ECRG4: variants seen among roughly 807,000 people sequenced by gnomAD.
The protein encoded by ECRG4 is augurin.
ECRG4 carries 18 observed loss-of-function variants against 15.8 expected under a neutral mutation model. The ratio of observed to expected loss-of-function variants is 1.14; its 90% confidence interval spans 0.79 to 1.69. The LOEUF (loss-of-function observed/expected upper bound fraction) is 1.69. Among genes scored for constraint, ECRG4 ranks in the 40% most tolerant of loss-of-function variants. The pLI is 0.00. For synonymous variants in ECRG4, 82 were observed against 73.9 expected, an observed-to-expected ratio of 1.11 and a Z score of -0.56; for missense variants, 200 against 190.9, an observed-to-expected ratio of 1.05 and a Z score of -0.28.
intron 2 of ECRG4, among the ~76,000 whole-genome samples, chr2:106,072,553 G>A (rs1676393684): frequency 6.6e-6 from 1 of 152,186 alleles, no homozygotes; most frequent in African/African-American, 2.4e-5. Context: ...CTTCTGATGT[G>A]ACCATTTAGT....
At chr2:106,063,765 A>G (rs570160433), upstream of ECRG4, among the ~76,000 whole-genome samples, 2 of 152,250 alleles carry the variant, frequency 1.3e-5, no homozygotes, top group Admixed American at 1.3e-4. Context: ...GCATTTTTGT[A>G]GAGAGGGAGT....
intron 3 of ECRG4, among the ~76,000 whole-genome samples, chr2:106,075,042 A>C (rs1676456081): frequency 6.6e-6 from 1 of 152,032 alleles, no homozygotes; most frequent in African/African-American, 2.4e-5. Context: ...CTGTGCAAAT[A>C]GGTAAACATG....
chr2:106,074,108 C>T (rs1215759035), intron 3 of ECRG4, 65 bp downstream of exon 3: 59 of 1,578,614 alleles, frequency 3.7e-5, no homozygotes, highest in Middle Eastern at 2.3e-4. Flanking sequence ...GGAGGCCTGG[C>T]TCGGGGAAAT....
Position 106,077,979 on chromosome 2 carries a change from T to G in ECRG4, c.*53T>G, listed in dbSNP as rs767784392. ...AGCAAATAGCGATTCTCTTCATGTATCTCCTAATGCCTTACACTACTTGGT... is the reference window on the plus strand; with the variant it reads ...AGCAAATAGCGATTCTCTTCATGTAGCTCCTAATGCCTTACACTACTTGGT... On this transcript the variant is annotated 3_prime_UTR_variant, in exon 4 of 4. Transcript: ENST00000238044. 191 of 1,554,050 alleles carry G rather than the reference T, an allele frequency of 1.2e-4. 3 individuals carry two copies. The highest frequency in any genetic ancestry group is 5.5e-4 in the South Asian group (47 of 85,516).
Position 106,077,984 on chromosome 2 carries a change from T to C in ECRG4, c.*58T>C. ...ATAGCGATTCTCTTCATGTATCTCCTAATGCCTTACACTACTTGGTTTCTG... is the reference window on the plus strand; with the variant it reads ...ATAGCGATTCTCTTCATGTATCTCCCAATGCCTTACACTACTTGGTTTCTG... On this transcript the variant is annotated 3_prime_UTR_variant, in exon 4 of 4. Coordinates refer to ENST00000238044, the MANE Select transcript of ECRG4 (RefSeq NM_032411.3). 1 of 1,526,904 alleles carries C rather than the reference T, an allele frequency of 6.5e-7. No individual in the cohort carries two copies. The highest frequency in any genetic ancestry group is 8.9e-7 in the Non-Finnish European group (1 of 1,121,112). 94.6% of individuals were successfully genotyped at this position (1,526,904 alleles called of 1,614,324 possible).
chr2:106,071,464 G>C (rs1415317669), intron 1 of ECRG4, among the ~76,000 whole-genome samples: 3 of 152,036 alleles, frequency 2.0e-5, no homozygotes, highest in Admixed American at 6.5e-5. Flanking sequence ...GGGGTTTCTG[G>C]TGGATAGGGG....
At chr2:106,063,978 C>T (rs929749785), upstream of ECRG4, among the ~76,000 whole-genome samples, 6 of 152,196 alleles carry the variant, frequency 3.9e-5, no homozygotes, top group South Asian at 8.3e-4. Context: ...AGATTACAGC[C>T]ATTATGTTTA....
chr2:106,067,472 AT>A (rs70953554), intron 1 of ECRG4, among the ~76,000 whole-genome samples: 30,815 of 145,404 alleles, frequency 0.21, 3,408 homozygotes, highest in Non-Finnish European at 0.23. Flanking sequence ...CAGTGAAAAT[AT>A]TTTTTTTTTT....
At chr2:106,069,139 C>CT in intron 1 of ECRG4, among the ~76,000 whole-genome samples, 1 of 133,570 alleles carries the variant, frequency 7.5e-6, no homozygotes, top group African/African-American at 2.8e-5. Flanking sequence ...CTCTTTCTTT[C>CT]TTTCTTTCTT....
Position 106,073,996 on chromosome 2 carries a change from G to T in ECRG4, c.238G>T (p.Val80Leu). The T allele has an allele frequency of 6.2e-7, 1 of 1,613,928 alleles. No homozygotes were observed. Among genetic ancestry groups the T allele is most frequent in the African/African-American group, 1.3e-5 (1 of 75,050 alleles). ...RQLWDRTRPE[V>L]QQWYQQFLYM... ...GCTGTGGGACCGGACTCGGCCCGAG[G>T]TGCAGCAGTGGTACCAGCAGTTTCT... The change falls in exon 3 of 4, where the codon GTG (valine) becomes TTG (leucine). Residue 80 changes from valine to leucine, a missense_variant. Transcript: ENST00000238044.
Position 106,065,814 on chromosome 2 carries a change from C to T in ECRG4, c.50C>T (p.Ala17Val), listed in dbSNP as rs764729115. The T allele has an allele frequency of 3.6e-5, 53 of 1,485,300 alleles. No homozygotes were observed. The Middle Eastern group carries it at 5.3e-4, about 15-fold the overall frequency. The allele number at this position is 1,485,300 out of a possible 1,614,324, so 92.0% of individuals were successfully genotyped here. ...RPAVLALTGL[A>V]LLLLLCWGPG... ...GCTGTCCTGGCCCTGACCGGGCTGGCGCTGCTCCTGCTCCTGTGCTGGGGC... is the reference window on the plus strand; with the variant it reads ...GCTGTCCTGGCCCTGACCGGGCTGGTGCTGCTCCTGCTCCTGTGCTGGGGC... Residue 17 changes from alanine (A) to valine (V), a missense_variant, in exon 1 of 4, where the codon GCG becomes GTG. Ala to Val is a moderately conservative substitution (Grantham distance 64). Transcript: ENST00000238044.
At chr2:106,065,547 C>G (rs975657037), upstream of ECRG4, 7 of 382,322 alleles carry the variant, frequency 1.8e-5, no homozygotes, top group East Asian at 2.9e-4. Flanking sequence ...GGGGCCGGGG[C>G]GGGAGAGAGG....
chr2:106,065,375 C>A (rs1156923551), upstream of ECRG4, among the ~76,000 whole-genome samples: 1 of 152,124 alleles, frequency 6.6e-6, no homozygotes, highest in Non-Finnish European at 1.5e-5. Context: ...CAGGGGGCCT[C>A]GTCCCTTCTC....
At chr2:106,074,078 A>C in intron 3 of ECRG4, 35 bp downstream of exon 3, 1 of 1,606,334 alleles carries the variant, frequency 6.2e-7, no homozygotes, top group East Asian at 2.2e-5. Flanking sequence ...CCTGGCTTCC[A>C]CAGGGAAGGG....
chr2:106,066,795 CTG>C (rs1558654817), intron 1 of ECRG4, among the ~76,000 whole-genome samples: 1 of 152,134 alleles, frequency 6.6e-6, no homozygotes, highest in Non-Finnish European at 1.5e-5. Flanking sequence ...GGTATGGAAA[CTG>C]AACTCGAGGT....
upstream of ECRG4, among the ~76,000 whole-genome samples, chr2:106,063,638 A>T (rs750187272): frequency 1.3e-5 from 2 of 152,300 alleles, no homozygotes; most frequent in Middle Eastern, 6.8e-3. Flanking sequence ...GCTGGAGTGC[A>T]GTGGCGCAAT....
chr2:106,065,751 C>A lies in ECRG4; in HGVS notation c.-14C>A. ...GAAGTGCGCCCCTCGCCCTCCTGCT[C>A]GCGCCCCGCCGCCATGGCTGCCTCC... On this transcript the variant is annotated 5_prime_UTR_variant, in exon 1 of 4. Coordinates refer to ENST00000238044, the MANE Select transcript of ECRG4 (RefSeq NM_032411.3). 6.8e-7 allele frequency: 1 copy of A among 1,478,240 alleles called. No homozygotes were observed. Among genetic ancestry groups the A allele is most frequent in the South Asian group, 1.3e-5 (1 of 77,312 alleles). The allele number at this position is 1,478,240 out of a possible 1,614,324, so 91.6% of individuals were successfully genotyped here.
chr2:106,068,019 A>C (rs1432983180), intron 1 of ECRG4, among the ~76,000 whole-genome samples: 2 of 142,976 alleles, frequency 1.4e-5, no homozygotes, highest in Non-Finnish European at 3.1e-5. Flanking sequence ...TTTTTCTTTT[A>C]ATTTTTAGTA....
chr2:106,075,925 C>G (rs1273058670), intron 3 of ECRG4, among the ~76,000 whole-genome samples: 3 of 152,192 alleles, frequency 2.0e-5, no homozygotes, highest in African/African-American at 7.2e-5. Flanking sequence ...CTCTCACATA[C>G]AGATTTTAAA....
Sources: allele counts gnomAD v4.1 joint callset (sites outside exome capture counted in the v4.1 genomes callset), GRCh38; gene constraint gnomAD v4.1.1; transcripts MANE v1.5; gene names NCBI Gene and HGNC (gene_info 2026-07-23, HGNC 2026-07-21).